PCSK5: variants seen among roughly 807,000 people sequenced by gnomAD.
The protein encoded by PCSK5 is proprotein convertase subtilisin/kexin type 5.
A neutral mutation model predicts 233.2 loss-of-function variants in PCSK5; 129 were observed. That is an observed-to-expected ratio of 0.55 (90% CI 0.48 to 0.64). The LOEUF (loss-of-function observed/expected upper bound fraction) is 0.64, where lower values mean the gene tolerates loss of function less well. Among genes scored for constraint, PCSK5 ranks in the 30% least tolerant of loss-of-function variants. The pLI is 0.00. For synonymous variants in PCSK5, 825 were observed against 879.2 expected (o/e 0.94, Z 1.09); for missense variants, 2,076 against 2,430.1 (o/e 0.85, Z 3.06).
chr9:76,084,184 T>C (rs1020611672), intron 7 of PCSK5, among the ~76,000 whole-genome samples: 6 of 152,218 alleles, frequency 3.9e-5, no homozygotes, highest in Non-Finnish European at 8.8e-5. Flanking sequence ...TATAATATCA[T>C]CCATTTTGGA....
At chr9:76,062,550 T>C (rs1226654169) in intron 5 of PCSK5, among the ~76,000 whole-genome samples, 1 of 152,224 alleles carries the variant, frequency 6.6e-6, no homozygotes, top group Non-Finnish European at 1.5e-5. Context: ...GGGGTGTGTG[T>C]ACACAGGGTT....
chr9:76,234,426 G>A (rs1260216833), intron 22 of PCSK5, among the ~76,000 whole-genome samples: 4 of 152,108 alleles, frequency 2.6e-5, no homozygotes, highest in African/African-American at 7.2e-5. Flanking sequence ...TCAGTTACCA[G>A]CATCATCATC....
At chr9:76,355,334 G>C (rs141672522) in intron 37 of PCSK5, among the ~76,000 whole-genome samples, 8,635 of 152,134 alleles carry the variant, frequency 0.057, 329 homozygotes, top group Middle Eastern at 0.14. Context: ...TTAGCCAGGC[G>C]TGGTGGCGGG....
chr9:76,328,230 C>A lies in PCSK5; in HGVS notation c.4561C>A (p.Leu1521Ile). The change falls in exon 33 of 38, where the codon CTT becomes ATT. Residue 1521 changes from leucine to isoleucine, a missense_variant. Coordinates refer to ENST00000674117, the MANE Select transcript of PCSK5 (RefSeq NM_001372043.1). The stretch of plus-strand genomic sequence containing the variant: ...GTGTCAAACATGCCCCATGAACAGC[C>A]TTCTTCTCAGTGAGTTACTTCTCCG... ...DQCQTCPMNS[L>I]LLNTTCVKDC... The A allele has an allele frequency of 6.2e-7, 1 of 1,610,236 alleles. No homozygotes were observed. The highest frequency in any genetic ancestry group is 1.3e-5 in the African/African-American group (1 of 75,000).
In PCSK5 at chr9:76,300,868, C is replaced by T. The variant is rs78508312; in HGVS notation, c.3524-1269C>T. 6.9e-3 allele frequency among the ~76,000 whole-genome samples: 1,044 copies of T among 152,302 alleles called. 14 individuals carry two copies. Among genetic ancestry groups the T allele is most frequent in the African/African-American group, 0.024 (990 of 41,562 alleles). Reference sequence around the variant, plus strand: ...AAATGTATATAAAGCTCTCAGGACACATATAACACAATAAAGTCTCGTCTA... The same window carrying T: ...AAATGTATATAAAGCTCTCAGGACATATATAACACAATAAAGTCTCGTCTA... On this transcript the variant is annotated intron_variant, in intron 27 of 37. Transcript: ENST00000674117.
intron 9 of PCSK5, among the ~76,000 whole-genome samples, chr9:76,132,069 A>T (rs1822782372): frequency 6.6e-6 from 1 of 151,932 alleles, no homozygotes; most frequent in Non-Finnish European, 1.5e-5. Context: ...TTTGTCATTC[A>T]CTCTAATAAC....
rs148275967 is a variant in PCSK5 at position 76,222,143 on chromosome 9, A to G, written c.2627-5360A>G. Among the ~76,000 whole-genome samples the G allele has an allele frequency of 6.2e-3, 943 of 152,016 alleles. 7 individuals are homozygous for G. The highest frequency in any genetic ancestry group is 0.026 in the South Asian group (123 of 4,802). On this transcript the variant is annotated intron_variant, in intron 20 of 37. Coordinates refer to ENST00000674117, the MANE Select transcript of PCSK5 (RefSeq NM_001372043.1). ...CTCCCTTATCCCAAGTTTTATTCAT[A>G]TATCAATTTATTTCCATTATCACAG...
chr9:76,349,313 T>C (rs1272369226), intron 35 of PCSK5, among the ~76,000 whole-genome samples: 1 of 146,426 alleles, frequency 6.8e-6, no homozygotes, highest in Non-Finnish European at 1.5e-5. Flanking sequence ...AAGAAAAATG[T>C]AGAATGGGAA....
chr9:76,016,108 C>T (rs1827937393), intron 3 of PCSK5, among the ~76,000 whole-genome samples: 1 of 152,244 alleles, frequency 6.6e-6, no homozygotes, highest in African/African-American at 2.4e-5. Flanking sequence ...ACACTTCCCC[C>T]TGACTGGGTT....
intron 1 of PCSK5, among the ~76,000 whole-genome samples, chr9:75,898,301 G>A (rs1371705301): frequency 6.6e-6 from 1 of 152,178 alleles, no homozygotes; most frequent in African/African-American, 2.4e-5. Flanking sequence ...AAAAATGATT[G>A]TGGGCCTGTC....
At chr9:76,123,086 C>T (rs953908037) in intron 9 of PCSK5, among the ~76,000 whole-genome samples, 6 of 151,968 alleles carry the variant, frequency 3.9e-5, no homozygotes, top group South Asian at 2.1e-4. Context: ...TCAAGTGATC[C>T]GCCCACCATG....
At chr9:76,084,193 G>A (rs1430798789) in intron 7 of PCSK5, among the ~76,000 whole-genome samples, 3 of 152,138 alleles carry the variant, frequency 2.0e-5, no homozygotes, top group African/African-American at 7.2e-5. Context: ...ATCCATTTTG[G>A]AAACAAAGAA....
At chr9:76,229,772 CT>C (rs1008373780) in intron 21 of PCSK5, among the ~76,000 whole-genome samples, 1 of 152,200 alleles carries the variant, frequency 6.6e-6, no homozygotes, top group African/African-American at 2.4e-5. Flanking sequence ...ATCTGGGGGC[CT>C]TCTGGAATAC....
chr9:75,922,589 A>C (rs1411711785), intron 1 of PCSK5, among the ~76,000 whole-genome samples: 1 of 152,200 alleles, frequency 6.6e-6, no homozygotes, highest in Non-Finnish European at 1.5e-5. Context: ...TTGAGTAGTC[A>C]GTGGACCTAG....
intron 3 of PCSK5, among the ~76,000 whole-genome samples, chr9:76,000,043 A>G (rs1024973436): frequency 2.0e-5 from 3 of 152,246 alleles, no homozygotes; most frequent in Non-Finnish European, 4.4e-5. Context: ...AAGGGCTAAT[A>G]TTCAGAATCT....
At chr9:76,331,351 A>G (rs879266035) in intron 33 of PCSK5, among the ~76,000 whole-genome samples, 1 of 152,148 alleles carries the variant, frequency 6.6e-6, no homozygotes, top group Non-Finnish European at 1.5e-5. Flanking sequence ...ACCCAATGCC[A>G]TCACAAGGGT....
At chr9:76,150,246 G>A (rs1007603962) in intron 10 of PCSK5, among the ~76,000 whole-genome samples, 1 of 152,152 alleles carries the variant, frequency 6.6e-6, no homozygotes. Flanking sequence ...CCATGTGCAA[G>A]TTCTCAGTAG....
At chr9:76,232,960 C>A (rs1826141456) in intron 21 of PCSK5, among the ~76,000 whole-genome samples, 1 of 152,148 alleles carries the variant, frequency 6.6e-6, no homozygotes, top group South Asian at 2.1e-4. Context: ...TATACACAGG[C>A]CAGGCTTCTA....
chr9:76,113,398 A>T (rs1832300449), intron 9 of PCSK5, among the ~76,000 whole-genome samples: 1 of 152,194 alleles, frequency 6.6e-6, no homozygotes, highest in African/African-American at 2.4e-5. Flanking sequence ...ATTTCTTGTA[A>T]ACCTAAAAAG....
Sources: gnomAD v4.1 joint callset for allele counts (sites outside exome capture counted in the v4.1 genomes callset) on GRCh38, gnomAD v4.1.1 for gene constraint, MANE v1.5 for transcripts, NCBI Gene and HGNC (gene_info 2026-07-23, HGNC 2026-07-21) for gene names.